TRERF1: variants seen among roughly 807,000 people sequenced by gnomAD.
The protein encoded by TRERF1 is transcriptional regulating factor 1.
TRERF1 carries 27 observed loss-of-function variants against 122.9 expected under a neutral mutation model. The ratio of observed to expected loss-of-function variants is 0.22; its 90% CI spans 0.16 to 0.30. The LOEUF (loss-of-function observed/expected upper bound fraction) is 0.30, where lower values mean the gene tolerates loss of function less well. TRERF1 is among the 10% of genes least tolerant of loss of function. The pLI is 1.00. For synonymous variants in TRERF1, 636 were observed against 641.7 expected (o/e 0.99, Z 0.13); for missense variants, 1,248 against 1,560.3 (o/e 0.80, Z 3.37).
chr6:42,272,726 T>C (rs1780449146), intron 4 of TRERF1, among the ~76,000 whole-genome samples: 1 of 151,926 alleles, frequency 6.6e-6, no homozygotes. Flanking sequence ...GGGAAGCAAC[T>C]CTCCTTCCTT....
chr6:42,228,302 G>T lies in TRERF1; in HGVS notation c.*43C>A. The T allele has an allele frequency of 6.6e-7, 1 of 1,515,052 alleles. No homozygotes were observed. Among genetic ancestry groups the T allele is most frequent in the Non-Finnish European group, 8.9e-7 (1 of 1,126,070 alleles). 93.9% of individuals were successfully genotyped at this position (1,515,052 alleles called of 1,614,324 possible). A position where few individuals can be genotyped will look rare whatever the true frequency, so the allele number is the denominator to read the frequency against. The stretch of plus-strand genomic sequence containing the variant: ...TCCAGGTTTCCTGATTAATGAAGAT[G>T]GAGGCCGTGGGTTTTCACTGTCTCT... On this transcript the variant is annotated 3_prime_UTR_variant, in exon 18 of 18. Transcript: ENST00000372922. This position sits in a 1 kb window ranked among gnomAD's most constrained non-coding sequence, Gnocchi z 4.2.
At chr6:42,385,048 G>A (rs779486921) in intron 2 of TRERF1, among the ~76,000 whole-genome samples, 4 of 152,216 alleles carry the variant, frequency 2.6e-5, no homozygotes, top group South Asian at 4.2e-4. Context: ...TGCGATCTCG[G>A]CTCACTGCAA....
At position 42,348,008 on chromosome 6, in the gene TRERF1, C is replaced by G. The variant is rs1768654559; in HGVS notation, c.-371+14989G>C. Among the ~76,000 whole-genome samples, 3 of 152,326 alleles carry G rather than the reference C, an allele frequency of 2.0e-5. No individual in the cohort carries two copies. The South Asian group carries it at 6.2e-4, about 32-fold the overall frequency. Reference sequence around the variant, plus strand: ...AAGTGTTTCTAAATGGCACACCTATCCACGCATCTTTGGCTTGAGTAAATA... The same window carrying G: ...AAGTGTTTCTAAATGGCACACCTATGCACGCATCTTTGGCTTGAGTAAATA... On this transcript the variant is annotated intron_variant, in intron 3 of 17. Transcript: ENST00000372922.
At chr6:42,281,345 C>T (rs1782268834) in intron 4 of TRERF1, among the ~76,000 whole-genome samples, 2 of 152,126 alleles carry the variant, frequency 1.3e-5, no homozygotes. Context: ...ACGCATACTT[C>T]TGTTTGTTGG....
At chr6:42,342,573 A>C (rs1025429526) in intron 3 of TRERF1, among the ~76,000 whole-genome samples, 20 of 152,272 alleles carry the variant, frequency 1.3e-4, no homozygotes, top group African/African-American at 4.8e-4. Context: ...CCAGGCTCAA[A>C]AAAAAAGAAA....
intron 2 of TRERF1, among the ~76,000 whole-genome samples, chr6:42,395,197 A>G (rs1452974504): frequency 6.6e-6 from 1 of 152,196 alleles, no homozygotes; most frequent in Admixed American, 6.5e-5. Context: ...TCCCCTCTAC[A>G]AAGTCAGGGT....
At chr6:42,280,335 G>T (rs1487007715) in intron 4 of TRERF1, among the ~76,000 whole-genome samples, 1 of 152,212 alleles carries the variant, frequency 6.6e-6, no homozygotes, top group African/African-American at 2.4e-5. Context: ...GGCCTCCGAG[G>T]ATCCGGTTCT....
At chr6:42,316,111 G>A (rs1037958089) in intron 3 of TRERF1, among the ~76,000 whole-genome samples, 2 of 152,182 alleles carry the variant, frequency 1.3e-5, no homozygotes, top group African/African-American at 4.8e-5. Context: ...GACATTTCGA[G>A]TCACAAGTTA....
chr6:42,385,965 G>A (rs1014802107), intron 2 of TRERF1, among the ~76,000 whole-genome samples: 1 of 152,174 alleles, frequency 6.6e-6, no homozygotes, highest in African/African-American at 2.4e-5. Context: ...ATAGTTCACA[G>A]TTTTAATTCT....
At chr6:42,392,933 C>CACAA (rs1777999778) in intron 2 of TRERF1, among the ~76,000 whole-genome samples, 1 of 146,544 alleles carries the variant, frequency 6.8e-6, no homozygotes, top group Non-Finnish European at 1.5e-5. Context: ...CACACACATA[C>CACAA]ACACACACAC....
At chr6:42,441,127 C>G (rs1786438736) in intron 2 of TRERF1, among the ~76,000 whole-genome samples, 1 of 152,202 alleles carries the variant, frequency 6.6e-6, no homozygotes, top group Non-Finnish European at 1.5e-5. Flanking sequence ...TGCACCCTCC[C>G]CCAGTGCAAT....
At chr6:42,379,135 T>TAA (rs1775451188) in intron 2 of TRERF1, among the ~76,000 whole-genome samples, 3 of 151,796 alleles carry the variant, frequency 2.0e-5, no homozygotes, top group South Asian at 4.2e-4. Flanking sequence ...AAAATTTTTT[T>TAA]AATATATTTT....
At position 42,443,523 on chromosome 6, in the gene TRERF1, T is replaced by C. The variant is rs573083057; in HGVS notation, c.-454+7654A>G. ...GAATGCAAATGAAGACGGCTAAGACTGTAGAACCTCAGTCGGGTTTCTTGG... is the reference window on the plus strand; with the variant it reads ...GAATGCAAATGAAGACGGCTAAGACCGTAGAACCTCAGTCGGGTTTCTTGG... On this transcript the variant is annotated intron_variant, in intron 2 of 17. Transcript: ENST00000372922. Among the ~76,000 whole-genome samples the C allele has an allele frequency of 2.6e-5, 4 of 152,364 alleles. No homozygotes were observed. The South Asian group carries it at 6.2e-4, about 24-fold the overall frequency.
chr6:42,243,477 G>A, intron 14 of TRERF1, 116 bp from the exon 15 acceptor site: 4 of 680,930 alleles, frequency 5.9e-6, no homozygotes, highest in Admixed American at 2.7e-5. Context: ...TACAGTTCAA[G>A]AAAAAAATGT....
chr6:42,301,249 A>G (rs1786124743), intron 3 of TRERF1, among the ~76,000 whole-genome samples: 2 of 151,926 alleles, frequency 1.3e-5, no homozygotes, highest in Non-Finnish European at 2.9e-5. Flanking sequence ...TTTTTTTCTG[A>G]GACAGAGTCT....
intron 15 of TRERF1, 142 bp downstream of exon 15, chr6:42,243,106 C>T: frequency 1.5e-6 from 1 of 686,966 alleles, no homozygotes; most frequent in Non-Finnish European, 2.6e-6. Flanking sequence ...GGTCCTGAAT[C>T]CTGCAGGAGA....
exon 16 of TRERF1, chr6:42,236,408 T>C: frequency 1.9e-6 from 3 of 1,552,446 alleles, no homozygotes; most frequent in Non-Finnish European, 2.6e-6. Context: ...TCTTCTTCAC[T>C]TGTCTAGTGT....
intron 2 of TRERF1, among the ~76,000 whole-genome samples, chr6:42,392,723 A>T (rs963467982): frequency 6.6e-6 from 1 of 152,158 alleles, no homozygotes; most frequent in African/African-American, 2.4e-5. Flanking sequence ...CATCCCAGCA[A>T]TTAAAGTCTT....
At chr6:42,254,478 G>A (rs567535591) in intron 13 of TRERF1, among the ~76,000 whole-genome samples, 5 of 152,354 alleles carry the variant, frequency 3.3e-5, no homozygotes, top group Non-Finnish European at 5.9e-5. Context: ...CCAGGCTGCA[G>A]AAGACCATGG....
Sources: allele counts gnomAD v4.1 joint callset (sites outside exome capture counted in the v4.1 genomes callset), GRCh38; gene constraint gnomAD v4.1.1; non-coding constraint Gnocchi (gnomAD v3.1); transcripts MANE v1.5; gene names NCBI Gene and HGNC (gene_info 2026-07-23, HGNC 2026-07-21).